Variants in GNAS-AS1 observed in about 807,000 individuals in gnomAD.
GNAS-AS1 encodes the protein GNAS antisense RNA 1 (non-protein coding).
intron 4 of GNAS-AS1, among the ~76,000 whole-genome samples, chr20:58,831,129 A>T (rs2085566386): frequency 6.6e-6 from 1 of 152,224 alleles, no homozygotes; most frequent in African/African-American, 2.4e-5. Context: ...AAATGATTTT[A>T]AAATATAAAA....
At position 58,840,938 on chromosome 20, in the gene GNAS-AS1, G is replaced by C. The variant is rs1432544188; in HGVS notation, n.819+999C>G. On this transcript the variant is annotated intron_variant and non_coding_transcript_variant, in intron 4 of 4. Coordinates refer to ENST00000424094, the Ensembl canonical transcript of GNAS-AS1. This position sits in a 1 kb window ranked among gnomAD's most constrained non-coding sequence, Gnocchi z 6.0. The stretch of plus-strand genomic sequence containing the variant: ...AGCCTGAGGGCGGTGTGGGAGCAGC[G>C]CAGGTGGAAAGGAGGTGAGAAGGAA... The C allele has an allele frequency of 6.9e-6, 11 of 1,594,242 alleles. No homozygotes were observed. The highest frequency in any genetic ancestry group is 8.6e-6 in the Non-Finnish European group (10 of 1,167,702).
intron 4 of GNAS-AS1, among the ~76,000 whole-genome samples, chr20:58,825,065 G>A (rs375779391): frequency 3.9e-5 from 6 of 152,234 alleles, no homozygotes; most frequent in Admixed American, 1.3e-4. Context: ...ACATAAACAC[G>A]TGAAGTGGGA....
chr20:58,839,437 C>T (rs1804709553), intron 4 of GNAS-AS1: 1 of 400,256 alleles, frequency 2.5e-6, no homozygotes, highest in Admixed American at 4.3e-5. Flanking sequence ...GTTTATTTCC[C>T]CAATAACTGG....
intron 4 of GNAS-AS1, chr20:58,838,916 CAAAAA>C (rs766172876): frequency 1.3e-3 from 324 of 252,070 alleles, no homozygotes; most frequent in Middle Eastern, 1.7e-3. Context: ...GATTCTGTCT[CAAAAA>C]AAAAAAAAAA....
At position 58,840,220 on chromosome 20, in the gene GNAS-AS1, C is replaced by T. The variant is rs2085663948; in HGVS notation, n.819+1717G>A. 1.2e-6 allele frequency: 2 copies of T among 1,611,142 alleles called. No homozygotes were observed. The highest frequency in any genetic ancestry group is 1.7e-6 in the Non-Finnish European group (2 of 1,179,860). On this transcript the variant is annotated intron_variant and non_coding_transcript_variant, in intron 4 of 4. Transcript: ENST00000424094. This position sits in a 1 kb window ranked among gnomAD's most constrained non-coding sequence, Gnocchi z 6.0. Reference sequence around the variant, plus strand: ...CCGCGCTCCTCTGGCTCTCCTGCTCCATCGCGCTCCTCCGCGCCCTTGCCA... The same window carrying T: ...CCGCGCTCCTCTGGCTCTCCTGCTCTATCGCGCTCCTCCGCGCCCTTGCCA...
At chr20:58,837,184 G>A (rs1440716239) in intron 4 of GNAS-AS1, among the ~76,000 whole-genome samples, 1 of 152,064 alleles carries the variant, frequency 6.6e-6, no homozygotes, top group African/African-American at 2.4e-5. Context: ...CCCCCAACGT[G>A]CCCTGAAATC....
chr20:58,823,449 C>G (rs2145450622), intron 4 of GNAS-AS1, among the ~76,000 whole-genome samples: 1 of 152,276 alleles, frequency 6.6e-6, no homozygotes, highest in Middle Eastern at 3.4e-3. Flanking sequence ...AGAGGCAGGT[C>G]AAGGTGTGGC....
Position 58,840,487 on chromosome 20 carries a change from C to T in GNAS-AS1, n.819+1450G>A, listed in dbSNP as rs988357584. ...TCGAGTCCGAGACCGACTTCGAGAC[C>T]GAGCCTGAGACCGCCCCCACCACTG... On this transcript the variant is annotated intron_variant and non_coding_transcript_variant, in intron 4 of 4. Transcript: ENST00000424094. The surrounding 1 kb of genome is among the most constrained non-coding windows in gnomAD (Gnocchi z 6.0). The T allele has an allele frequency of 3.1e-6, 5 of 1,613,408 alleles. No homozygotes were observed. Among genetic ancestry groups the T allele is most frequent in the Non-Finnish European group, 3.4e-6 (4 of 1,179,998 alleles).
chr20:58,842,174 G>T (rs1194625570), exon 4 of GNAS-AS1: 1 of 398,528 alleles, frequency 2.5e-6, no homozygotes, highest in Admixed American at 4.4e-5. Context: ...CAGCAATCTG[G>T]TAACGCACCT....
chr20:58,837,265 T>G (rs6128443), intron 4 of GNAS-AS1, among the ~76,000 whole-genome samples: 1 of 152,168 alleles, frequency 6.6e-6, no homozygotes, highest in African/African-American at 2.4e-5. Flanking sequence ...ATAAAGTGGG[T>G]GGGTCAGTGT....
chr20:58,850,669 C>T (rs2086123101), exon 1 of GNAS-AS1: 2 of 399,156 alleles, frequency 5.0e-6, no homozygotes, highest in South Asian at 1.3e-4. Flanking sequence ...TCACCTTGCC[C>T]GGCAGTGGCA....
At chr20:58,827,736 CATGAAACT>C (rs2085530545) in intron 4 of GNAS-AS1, among the ~76,000 whole-genome samples, 1 of 152,192 alleles carries the variant, frequency 6.6e-6, no homozygotes, top group African/African-American at 2.4e-5. Context: ...CAATGAAACA[CATGAAACT>C]ATGTTTGTGT....
intron 2 of GNAS-AS1, among the ~76,000 whole-genome samples, chr20:58,845,063 T>C (rs2085896102): frequency 6.6e-6 from 1 of 152,140 alleles, no homozygotes; most frequent in Admixed American, 6.5e-5. Context: ...CCACCTTCTG[T>C]CCCTGACCTT....
chr20:58,827,846 G>A (rs1380908787), intron 4 of GNAS-AS1, among the ~76,000 whole-genome samples: 1 of 152,214 alleles, frequency 6.6e-6, no homozygotes, highest in Non-Finnish European at 1.5e-5. Flanking sequence ...AACTGTGGCT[G>A]GTGCAGGGTC....
chr20:58,819,950 G>A (rs534172649), intron 4 of GNAS-AS1, among the ~76,000 whole-genome samples: 19 of 152,170 alleles, frequency 1.2e-4, no homozygotes, highest in South Asian at 4.1e-4. Context: ...CTCGCACCCC[G>A]CCCCAGGTGA....
intron 4 of GNAS-AS1, chr20:58,839,973 G>A (rs2085656539): frequency 1.1e-6 from 1 of 906,890 alleles, no homozygotes; most frequent in Admixed American, 2.2e-5. Context: ...TCACAAGGAG[G>A]TGAGGCTGGG....
intron 4 of GNAS-AS1, among the ~76,000 whole-genome samples, chr20:58,821,159 A>G (rs150111148): frequency 1.3e-4 from 20 of 152,202 alleles, no homozygotes; most frequent in Non-Finnish European, 2.9e-4. Flanking sequence ...CTCCTCAGCT[A>G]CCCCAGCTCC....
Position 58,840,576 on chromosome 20 carries a change from A to G in GNAS-AS1, n.819+1361T>C. On this transcript the variant is annotated intron_variant and non_coding_transcript_variant, in intron 4 of 4. Transcript: ENST00000424094. The surrounding 1 kb of genome is among the most constrained non-coding windows in gnomAD (Gnocchi z 6.0). ...GTGCCCAAGCACTCCACCTTCGGCC[A>G]GTCCCTCACCCAGCGTCTGCACGCT... 6.2e-7 allele frequency: 1 copy of G among 1,612,486 alleles called. No homozygotes were observed. Among genetic ancestry groups the G allele is most frequent in the Non-Finnish European group, 8.5e-7 (1 of 1,179,628 alleles).
chr20:58,839,817 T>G (rs2085653201), intron 4 of GNAS-AS1: 2 of 592,502 alleles, frequency 3.4e-6, no homozygotes, highest in Non-Finnish European at 6.0e-6. Context: ...GGCTGCGGAA[T>G]CTAAGACTCA....
Sources: gnomAD v4.1 joint callset for allele counts (sites outside exome capture counted in the v4.1 genomes callset) on GRCh38, gnomAD v4.1.1 for gene constraint, Gnocchi (gnomAD v3.1) non-coding constraint, MANE v1.5 for transcripts, NCBI Gene and HGNC (gene_info 2026-07-23, HGNC 2026-07-21) for gene names.